CLSTN1: variants seen among roughly 807,000 people sequenced by gnomAD.
CLSTN1 encodes calsyntenin-1.
Under a neutral mutation model 108.3 loss-of-function variants are expected in CLSTN1, and 28 were observed. The ratio of observed to expected loss-of-function variants is 0.26; its 90% CI spans 0.19 to 0.35. The LOEUF is 0.35. Ranked by LOEUF, CLSTN1 falls within the 10% of genes least tolerant of loss-of-function variation. CLSTN1 has a pLI of 1.00. For synonymous variants in CLSTN1, 524 were observed against 534.9 expected, an observed-to-expected ratio of 0.98 and a Z score of 0.28; for missense variants, 1,157 against 1,302.6, an observed-to-expected ratio of 0.89 and a Z score of 1.72.
intron 5 of CLSTN1, chr1:9,750,283 AAAAG>A (rs1324383453): frequency 5.3e-6 from 1 of 188,054 alleles, no homozygotes; most frequent in Non-Finnish European, 1.1e-5. Flanking sequence ...TTACTATATT[AAAAG>A]AAAGAGAGAT....
chr1:9,775,106 C>T (rs1426154231), intron 1 of CLSTN1, among the ~76,000 whole-genome samples: 1 of 152,014 alleles, frequency 6.6e-6, no homozygotes, highest in African/African-American at 2.4e-5. Flanking sequence ...TGGGTTTCGG[C>T]GGGCTTCTTT....
intron 1 of CLSTN1, among the ~76,000 whole-genome samples, chr1:9,793,633 C>T (rs1653864810): frequency 6.6e-6 from 1 of 151,468 alleles, no homozygotes; most frequent in Non-Finnish European, 1.5e-5. Flanking sequence ...TGGGCAATTT[C>T]CACTTTGACT....
In CLSTN1 at chr1:9,813,032, C is replaced by T. The variant is rs145163378; in HGVS notation, c.91+10611G>A. Among the ~76,000 whole-genome samples the T allele has an allele frequency of 4.4e-3, 650 of 146,878 alleles. 7 individuals are homozygous for T. The highest frequency in any genetic ancestry group is 0.015 in the African/African-American group (606 of 39,494). ...TACAAAAATTAGCCAGGCATGGTGG[C>T]GGGTGCCTAGTAATCCCAGCTACTC... On this transcript the variant is annotated intron_variant, in intron 1 of 18. Coordinates refer to ENST00000377298, the MANE Select transcript of CLSTN1 (RefSeq NM_001009566.3).
intron 17 of CLSTN1, 119 bp downstream of exon 17, chr1:9,731,642 A>G (rs1222233684): frequency 4.7e-6 from 5 of 1,059,862 alleles, no homozygotes; most frequent in Non-Finnish European, 7.1e-6. Context: ...GTGATGGGGA[A>G]TAATTGGGAC....
chr1:9,733,562 G>T lies in CLSTN1; in HGVS notation c.2282-16C>A. 1 of 1,613,358 alleles carries T rather than the reference G, an allele frequency of 6.2e-7. No homozygotes were observed. The highest frequency in any genetic ancestry group is 8.5e-7 in the Non-Finnish European group (1 of 1,179,756). On this transcript the variant is annotated splice_polypyrimidine_tract_variant and intron_variant, in intron 15 of 18. Coordinates refer to ENST00000377298, the MANE Select transcript of CLSTN1 (RefSeq NM_001009566.3). ...GTGTCCACGCCTGCAGGGGTTGAAAGGGGGAAGATTGCCGGGTGGCTTAGG... is the reference window on the plus strand; with the variant it reads ...GTGTCCACGCCTGCAGGGGTTGAAATGGGGAAGATTGCCGGGTGGCTTAGG...
In CLSTN1 at chr1:9,731,853, T is replaced by C; in HGVS notation, c.2471A>G (p.His824Arg). Residue 824 changes from histidine (H) to arginine (R), a missense_variant, in exon 17 of 19, where the codon CAC becomes CGC. Transcript: ENST00000377298. ...CACGAACTGTGGCTGGGCAGCCATG[T>C]GGTTGGCGTGTTCCATGGGGTTGGC... Reference protein sequence around the residue: ...HTANPMEHANHMAAQPQFVHP... With the variant: ...HTANPMEHANRMAAQPQFVHP... 1 of 1,614,080 alleles carries C rather than the reference T, an allele frequency of 6.2e-7. No individual in the cohort carries two copies. Among genetic ancestry groups the C allele is most frequent in the Non-Finnish European group, 8.5e-7 (1 of 1,180,000 alleles).
intron 7 of CLSTN1, among the ~76,000 whole-genome samples, chr1:9,746,048 G>A (rs1253132776): frequency 6.6e-6 from 1 of 152,042 alleles, no homozygotes; most frequent in Non-Finnish European, 1.5e-5. Context: ...GATTATAGGT[G>A]TGAGCCACCG....
intron 1 of CLSTN1, among the ~76,000 whole-genome samples, chr1:9,775,060 G>T (rs182046314): frequency 6.6e-6 from 1 of 152,246 alleles, no homozygotes. Flanking sequence ...CAGTGAGGAC[G>T]ACCAGAAGTC....
chr1:9,814,497 A>G (rs1654893315), intron 1 of CLSTN1, among the ~76,000 whole-genome samples: 1 of 152,268 alleles, frequency 6.6e-6, no homozygotes, highest in Non-Finnish European at 1.5e-5. Flanking sequence ...TAAGCATTTT[A>G]TATGTTTGAA....
intron 1 of CLSTN1, among the ~76,000 whole-genome samples, chr1:9,790,250 C>T (rs916631372): frequency 2.6e-5 from 4 of 151,274 alleles, no homozygotes; most frequent in Non-Finnish European, 4.4e-5. Context: ...CTTTTTTCAC[C>T]TTTAAGTATG....
At chr1:9,742,069 C>A (rs566408106) in intron 9 of CLSTN1, among the ~76,000 whole-genome samples, 2 of 152,198 alleles carry the variant, frequency 1.3e-5, no homozygotes, top group African/African-American at 4.8e-5. Context: ...CTGTGATGAA[C>A]GAGTGTGTGA....
At chr1:9,818,777 CTTTTTTTTTTTT>C (rs1156483241) in intron 1 of CLSTN1, among the ~76,000 whole-genome samples, 3 of 98,076 alleles carry the variant, frequency 3.1e-5, no homozygotes, top group Non-Finnish European at 5.9e-5. Flanking sequence ...TCAAGCAACT[CTTTTTTTTTTTT>C]TTTTTTTTTT....
At chr1:9,763,579 T>C (rs1024290841) in intron 2 of CLSTN1, among the ~76,000 whole-genome samples, 9 of 152,154 alleles carry the variant, frequency 5.9e-5, no homozygotes, top group African/African-American at 2.2e-4. Context: ...GTGCCACTCC[T>C]GGAGGTACAG....
chr1:9,762,150 G>A (rs781134247), intron 2 of CLSTN1, among the ~76,000 whole-genome samples: 13 of 152,262 alleles, frequency 8.5e-5, no homozygotes, highest in East Asian at 1.9e-4. Flanking sequence ...AATGGGAAAC[G>A]GATCACGGGG....
In CLSTN1 at chr1:9,731,655, G is replaced by A. The variant is rs940748183; in HGVS notation, c.2563+106C>T. On this transcript the variant is annotated intron_variant, in intron 17 of 18. Transcript: ENST00000377298. ...GTGTGATGGGGAATAATTGGGACAG[G>A]GAAAGACCGGCGGTCATGCTGAGCA... is the stretch of plus-strand genomic sequence containing the variant. 3 of 1,186,560 alleles carry A rather than the reference G, an allele frequency of 2.5e-6. No homozygotes were observed. In the African/African-American group the frequency reaches 4.5e-5, roughly 18 times the overall value. The allele number at this position is 1,186,560 out of a possible 1,614,324, so 73.5% of individuals were successfully genotyped here.
intron 1 of CLSTN1, among the ~76,000 whole-genome samples, chr1:9,807,031 C>T (rs994825466): frequency 6.6e-6 from 1 of 151,906 alleles, no homozygotes; most frequent in African/African-American, 2.4e-5. Context: ...TCTGGAGCAG[C>T]ATTGCCTAAA....
At chr1:9,746,716 G>GAA (rs1210965219) in intron 7 of CLSTN1, among the ~76,000 whole-genome samples, 1 of 139,050 alleles carries the variant, frequency 7.2e-6, no homozygotes. Context: ...TGTCTCAAAA[G>GAA]AAAAAAAAAA....
intron 1 of CLSTN1, among the ~76,000 whole-genome samples, chr1:9,789,051 C>T (rs1434544233): frequency 7.3e-5 from 11 of 151,302 alleles, no homozygotes; most frequent in Admixed American, 6.7e-4. Context: ...TAGAAGGATA[C>T]CATGTTTTGC....
Position 9,814,074 on chromosome 1 carries a change from C to G in CLSTN1, c.91+9569G>C, listed in dbSNP as rs78880893. On this transcript the variant is annotated intron_variant, in intron 1 of 18. Coordinates refer to ENST00000377298, the MANE Select transcript of CLSTN1 (RefSeq NM_001009566.3). ...CCAAGATCACGCCATTGCACACCAG[C>G]CTGGGTGACAGAGCGAGACACTGTC... is the stretch of plus-strand genomic sequence containing the variant. Among the ~76,000 whole-genome samples, 37 of 151,596 alleles carry G rather than the reference C, an allele frequency of 2.4e-4. No homozygotes were observed. In the East Asian group the frequency reaches 7.2e-3, roughly 29 times the overall value.
Sources: gnomAD v4.1 joint callset for allele counts (sites outside exome capture counted in the v4.1 genomes callset) on GRCh38, gnomAD v4.1.1 for gene constraint, MANE v1.5 for transcripts, NCBI Gene and HGNC (gene_info 2026-07-23, HGNC 2026-07-21) for gene names.